The following ESRRB variants were observed in gnomAD, a reference collection of about 807,000 sequenced individuals.
ESRRB encodes steroid hormone receptor ERR2.
ESRRB carries 16 observed loss-of-function variants against 46.0 expected under a neutral mutation model. The ratio of observed to expected loss-of-function variants is 0.35; its 90% confidence interval spans 0.24 to 0.53. ESRRB has a LOEUF of 0.53. ESRRB is among the 20% of genes least tolerant of loss of function. The probability of loss-of-function intolerance (pLI) is 0.93; values close to 1 mark genes in which losing one functional copy is unlikely to be tolerated. For synonymous variants in ESRRB, 246 were observed against 259.6 expected (o/e 0.95, Z 0.50); for missense variants, 488 against 607.4 (o/e 0.80, Z 2.07).
At chr14:76,377,883 G>A (rs1884844455) in intron 1 of ESRRB, among the ~76,000 whole-genome samples, 1 of 152,202 alleles carries the variant, frequency 6.6e-6, no homozygotes, top group South Asian at 2.1e-4. Flanking sequence ...CCACCCTGGG[G>A]CAGAGGGCCT....
At chr14:76,358,382 AG>A in intron 1 of ESRRB, among the ~76,000 whole-genome samples, 1 of 103,686 alleles carries the variant, frequency 9.6e-6, no homozygotes, top group Non-Finnish European at 2.2e-5. Context: ...AAAGAAAGAA[AG>A]AAAGAAAGAA....
intron 1 of ESRRB, among the ~76,000 whole-genome samples, chr14:76,324,152 C>T (rs1276251551): frequency 2.6e-5 from 4 of 152,060 alleles, no homozygotes; most frequent in Admixed American, 1.3e-4. Context: ...AAAAATAGGG[C>T]GGCAGGAAGC....
intron 1 of ESRRB, among the ~76,000 whole-genome samples, chr14:76,335,115 G>A (rs886828482): frequency 1.3e-5 from 2 of 152,116 alleles, no homozygotes; most frequent in African/African-American, 4.8e-5. Context: ...ACCACCACTG[G>A]GTCCTGGCCC....
At chr14:76,322,635 CAAT>C (rs558941867) in intron 1 of ESRRB, among the ~76,000 whole-genome samples, 283 of 152,316 alleles carry the variant, frequency 1.9e-3, no homozygotes, top group Non-Finnish European at 2.1e-3. Context: ...CTCCCACCAC[CAAT>C]ATCATCTTAA....
chr14:76,352,395 G>A (rs1206066287), intron 1 of ESRRB, among the ~76,000 whole-genome samples: 3 of 152,222 alleles, frequency 2.0e-5, no homozygotes, highest in Admixed American at 1.3e-4. Context: ...TGCCAGCCTA[G>A]CAAGCGGGAA....
rs781549214 is a variant in ESRRB at position 76,500,280 on chromosome 14, T to A, written c.*1822T>A. ...TTCAAGAGCCCTCCCAGACCAGTGA[T>A]GTGTCCCTCCGGCTCCCCTTGCCTG... On this transcript the variant is annotated 3_prime_UTR_variant, in exon 7 of 7. Coordinates refer to ENST00000644823, the MANE Select transcript of ESRRB (RefSeq NM_001379180.1). 3.0e-5 allele frequency: 18 copies of A among 600,068 alleles called. No individual in the cohort carries two copies. The highest frequency in any genetic ancestry group is 4.7e-5 in the Non-Finnish European group (16 of 339,310). 37.2% of individuals were successfully genotyped at this position (600,068 alleles called of 1,614,324 possible). A position where few individuals can be genotyped will look rare whatever the true frequency, so the allele number is the denominator to read the frequency against.
rs907667151 is a variant in ESRRB at position 76,332,042 on chromosome 14, T to A, written c.2+21126T>A. Among the ~76,000 whole-genome samples the A allele has an allele frequency of 2.6e-5, 4 of 151,904 alleles. No homozygotes were observed. The East Asian group carries it at 7.7e-4, about 29-fold the overall frequency. On this transcript the variant is annotated intron_variant, in intron 1 of 6. Coordinates refer to the ESRRB transcript ENST00000512784. ...TCCCCAACCCCAATTTACAGATCAT[T>A]TTACAACAGCCTTTCAACAAATATT... is the stretch of plus-strand genomic sequence containing the variant.
chr14:76,412,297 T>A (rs1297143775), intron 1 of ESRRB, among the ~76,000 whole-genome samples: 3 of 152,208 alleles, frequency 2.0e-5, no homozygotes, highest in Non-Finnish European at 4.4e-5. Context: ...AGTGGCTTCA[T>A]GTTCTTCAGT....
chr14:76,497,751 G>A (rs1263689618), intron 6 of ESRRB, among the ~76,000 whole-genome samples: 1 of 152,142 alleles, frequency 6.6e-6, no homozygotes, highest in Non-Finnish European at 1.5e-5. Context: ...GGCTAGGGGC[G>A]GTGGTAGGGG....
chr14:76,324,963 CTTTTTTTTTTTT>C (rs34780208), intron 1 of ESRRB, among the ~76,000 whole-genome samples: 1 of 102,212 alleles, frequency 9.8e-6, no homozygotes, highest in East Asian at 2.6e-4. Flanking sequence ...TTTTCTTTTT[CTTTTTTTTTTTT>C]TTTTTTTTTG....
intron 3 of ESRRB, among the ~76,000 whole-genome samples, chr14:76,474,444 G>A (rs1889493905): frequency 6.6e-6 from 1 of 152,198 alleles, no homozygotes; most frequent in Non-Finnish European, 1.5e-5. Context: ...ATAGCGTTTT[G>A]TATTCCTATA....
intron 2 of ESRRB, among the ~76,000 whole-genome samples, chr14:76,461,429 G>A (rs959641990): frequency 4.1e-5 from 6 of 148,034 alleles, no homozygotes; most frequent in African/African-American, 1.3e-4. Flanking sequence ...TCTTGGCTTC[G>A]TGGGGCCTAC....
intron 2 of ESRRB, among the ~76,000 whole-genome samples, chr14:76,440,304 A>G (rs1566900147): frequency 6.6e-6 from 1 of 152,010 alleles, no homozygotes; most frequent in Non-Finnish European, 1.5e-5. Flanking sequence ...CATCATTATT[A>G]TTATTATTTT....
chr14:76,439,269 C>T lies in ESRRB; in HGVS notation c.51-72C>T, dbSNP rs555239930. 2.1e-4 allele frequency: 333 copies of T among 1,556,050 alleles called. 1 individual carries two copies. The South Asian group carries it at 3.6e-3, about 17-fold the overall frequency. On this transcript the variant is annotated intron_variant, in intron 1 of 6. Transcript: ENST00000644823. ...CATAGAGCCCTTCCCAGCCACCCTA[C>T]CTGCGGGGCTGGACCCGCCCACCAC...
At chr14:76,338,257 C>G (rs1302333033) in intron 1 of ESRRB, among the ~76,000 whole-genome samples, 4 of 152,198 alleles carry the variant, frequency 2.6e-5, no homozygotes, top group African/African-American at 9.7e-5. Flanking sequence ...GTCATTCCAT[C>G]AAGCCCTGGC....
chr14:76,431,507 C>A (rs1171092584), intron 1 of ESRRB, among the ~76,000 whole-genome samples: 1 of 152,182 alleles, frequency 6.6e-6, no homozygotes, highest in East Asian at 1.9e-4. Context: ...AGCCCCCCAG[C>A]AAGCTCGGTG....
rs970930207 is a variant in ESRRB, at chr14:76,501,481, G to A, written c.*3023G>A. The A allele has an allele frequency of 6.6e-6, 1 of 152,274 alleles. No homozygotes were observed. Among genetic ancestry groups the A allele is most frequent in the Non-Finnish European group, 1.5e-5 (1 of 68,052 alleles). The allele number at this position is 152,274 out of a possible 1,614,324, so 9.4% of individuals were successfully genotyped here. A position where few individuals can be genotyped will look rare whatever the true frequency, so the allele number is the denominator to read the frequency against. On this transcript the variant is annotated 3_prime_UTR_variant, in exon 7 of 7. Transcript: ENST00000644823. Reference sequence around the variant, plus strand: ...CTGCACCCACCTGTGTCGGTGGGGGGGGCCTCCTTTCCCCATAGACTCTGC... The same window carrying A: ...CTGCACCCACCTGTGTCGGTGGGGGAGGCCTCCTTTCCCCATAGACTCTGC...
chr14:76,357,816 G>T (rs1205505677), intron 1 of ESRRB, among the ~76,000 whole-genome samples: 1 of 152,024 alleles, frequency 6.6e-6, no homozygotes, highest in Admixed American at 6.6e-5. Context: ...CATTAAGCTG[G>T]GATCGTTTTA....
upstream of ESRRB, chr14:76,371,400 C>A (rs1884622152): frequency 6.6e-6 from 1 of 152,422 alleles, no homozygotes; most frequent in African/African-American, 2.4e-5. Flanking sequence ...CCATGGAGCA[C>A]TGTCCTCAGA....
Sources: allele counts gnomAD v4.1 joint callset (sites outside exome capture counted in the v4.1 genomes callset), GRCh38; gene constraint gnomAD v4.1.1; transcripts MANE v1.5; gene names NCBI Gene and HGNC (gene_info 2026-07-23, HGNC 2026-07-21).